Variants in NBAS observed in about 807,000 individuals in gnomAD.
NBAS encodes NAG/BC035112 fusion.
NBAS carries 219 observed loss-of-function variants against 302.5 expected under a neutral mutation model. The observed-to-expected ratio is 0.72, with a 90% confidence interval of 0.65 to 0.81. The LOEUF (loss-of-function observed/expected upper bound fraction) is 0.81. Among genes scored for constraint, NBAS ranks in the 30% least tolerant of loss-of-function variants. NBAS has a pLI of 0.00. For synonymous variants in NBAS, 1,118 were observed against 1,021.6 expected, an observed-to-expected ratio of 1.09 and a Z score of -1.80; for missense variants, 2,932 against 2,841.6, an observed-to-expected ratio of 1.03 and a Z score of -0.72.
the NBAS span, among the ~76,000 whole-genome samples, chr2:15,131,328 T>G: frequency 6.6e-6 from 1 of 152,214 alleles, no homozygotes; most frequent in Non-Finnish European, 1.5e-5. Context: ...TATTGCTTTT[T>G]TCCTTCTGCG....
At chr2:15,013,051 G>A in the NBAS span, among the ~76,000 whole-genome samples, 1 of 152,176 alleles carries the variant, frequency 6.6e-6, no homozygotes, top group Non-Finnish European at 1.5e-5. Context: ...CAGAGATGGG[G>A]TTTCACCATG....
intron 48 of NBAS, 30 bp from the exon 49 acceptor site, chr2:15,190,433 G>A (rs1297125675): frequency 6.2e-7 from 1 of 1,613,116 alleles, no homozygotes; most frequent in Admixed American, 1.7e-5. Context: ...CTTAAAGCTG[G>A]TGGCAAAGGC....
chr2:15,442,676 G>A (rs1036035383), intron 21 of NBAS, among the ~76,000 whole-genome samples: 5 of 151,692 alleles, frequency 3.3e-5, no homozygotes, highest in Admixed American at 1.3e-4. Context: ...AGGAAATAGA[G>A]ACACAAAAAA....
chr2:15,254,076 A>G (rs73194979), intron 44 of NBAS, among the ~76,000 whole-genome samples: 2,843 of 152,260 alleles, frequency 0.019, 95 homozygotes, highest in African/African-American at 0.065. Context: ...GTCACAAGAT[A>G]TGCAACTTCT....
At chr2:15,518,098 C>A (rs1302002121) in intron 9 of NBAS, among the ~76,000 whole-genome samples, 1 of 140,810 alleles carries the variant, frequency 7.1e-6, no homozygotes, top group East Asian at 2.1e-4. Context: ...AAATTATGCA[C>A]ATAAATTTCT....
At chr2:15,550,656 G>T (rs868667104) in intron 6 of NBAS, among the ~76,000 whole-genome samples, 2 of 148,600 alleles carry the variant, frequency 1.3e-5, no homozygotes, top group Non-Finnish European at 3.0e-5. Flanking sequence ...GCTCAATCTC[G>T]GCTCACTGTA....
chr2:15,118,640 A>G, the NBAS span, among the ~76,000 whole-genome samples: 1 of 152,196 alleles, frequency 6.6e-6, no homozygotes, highest in South Asian at 2.1e-4. Flanking sequence ...TAGAAAGGCT[A>G]TAAGGACAGC....
In NBAS at chr2:15,308,348, T is replaced by C. The variant is rs778302891; in HGVS notation, c.4665A>G (p.Leu1555=). Residue 1555 remains leucine (L), a synonymous_variant, in exon 40 of 52, where the codon TTA becomes TTG. Coordinates refer to ENST00000281513, the MANE Select transcript of NBAS (RefSeq NM_015909.4). ...LAYLLALPQV[L]DANRCFEKQS... ...GCTTTTCAAAGCACCGGTTAGCATC[T>C]AACACCTAGGAGGGAACATGTTAGA... 1.1e-5 allele frequency: 17 copies of C among 1,613,886 alleles called. No homozygotes were observed. In the Admixed American group the frequency reaches 2.8e-4, roughly 27 times the overall value.
chr2:15,330,645 C>T lies in NBAS; in HGVS notation c.4300G>A (p.Asp1434Asn), dbSNP rs750091340. The T allele has an allele frequency of 1.9e-6, 3 of 1,614,058 alleles. No homozygotes were observed. The highest frequency in any genetic ancestry group is 1.7e-4 in the Middle Eastern group (1 of 6,058). Reference sequence around the variant, plus strand: ...AAAGACTTCTTCCACCACTGCCCATCACTGACGGCCTGCAGCACCGCTTTG... The same window carrying T: ...AAAGACTTCTTCCACCACTGCCCATTACTGACGGCCTGCAGCACCGCTTTG... ...TTKAVLQAVSDGQWWKKSLTY... is the reference protein window; with the variant it reads ...TTKAVLQAVSNGQWWKKSLTY... Residue 1434 changes from aspartate (D) to asparagine (N), a missense_variant, in exon 36 of 52, where the codon GAT (aspartate) becomes AAT (asparagine). By Grantham distance (23) the Asp-to-Asn change is conservative. Transcript: ENST00000281513.
chr2:15,447,734 G>A (rs1338621689), intron 21 of NBAS, among the ~76,000 whole-genome samples: 1 of 152,110 alleles, frequency 6.6e-6, no homozygotes, highest in African/African-American at 2.4e-5. Context: ...CAGGAAAGGG[G>A]CACTGTCTCA....
chr2:15,530,885 G>T (rs1225052144), intron 9 of NBAS, among the ~76,000 whole-genome samples: 1 of 149,048 alleles, frequency 6.7e-6, no homozygotes, highest in Non-Finnish European at 1.5e-5. Context: ...AGAACGCCAG[G>T]GGAAAAAAAA....
chr2:15,235,699 G>C (rs1033545218), intron 45 of NBAS, among the ~76,000 whole-genome samples: 18 of 152,202 alleles, frequency 1.2e-4, no homozygotes, highest in Admixed American at 7.9e-4. Flanking sequence ...AAAGATGACT[G>C]AGATTTGCTT....
chr2:14,988,602 C>T, the NBAS span, among the ~76,000 whole-genome samples: 1 of 152,044 alleles, frequency 6.6e-6, no homozygotes, highest in Non-Finnish European at 1.5e-5. Context: ...ATTAAGATAC[C>T]AGTTAGGTAA....
At chr2:15,072,656 C>A in the NBAS span, among the ~76,000 whole-genome samples, 1 of 152,044 alleles carries the variant, frequency 6.6e-6, no homozygotes. Context: ...AGTCTCAATA[C>A]AACGTGTTAA....
intron 25 of NBAS, 138 bp from the exon 26 acceptor site, chr2:15,402,439 G>C (rs2148430086): frequency 3.7e-6 from 3 of 818,412 alleles, no homozygotes; most frequent in Admixed American, 2.4e-5. Flanking sequence ...TTTCTTTATA[G>C]ATTTCTGGGG....
chr2:14,870,056 T>C, the NBAS span, among the ~76,000 whole-genome samples: 1 of 152,238 alleles, frequency 6.6e-6, no homozygotes, highest in Admixed American at 6.5e-5. Flanking sequence ...ATGATGGTTT[T>C]CAAACATTGG....
rs756378484 is a variant in NBAS, at chr2:15,427,816, G to A, written c.2340-22C>T. ...AAAACTCAAATTTAAAAAAAAATAA[G>A]TGTTTAAAATTCACATTACCTCAAT... On this transcript the variant is annotated intron_variant, in intron 21 of 51. Coordinates refer to ENST00000281513, the MANE Select transcript of NBAS (RefSeq NM_015909.4). The A allele has an allele frequency of 1.9e-6, 3 of 1,574,960 alleles. No homozygotes were observed. In the South Asian group the frequency reaches 3.4e-5, roughly 18 times the overall value.
chr2:15,475,966 A>C, intron 13 of NBAS, 86 bp from the exon 14 acceptor site: 1 of 1,085,744 alleles, frequency 9.2e-7, no homozygotes, highest in Non-Finnish European at 1.3e-6. Flanking sequence ...CAATTTTAAA[A>C]CAAAATTTAT....
the NBAS span, among the ~76,000 whole-genome samples, chr2:15,094,125 A>C: frequency 6.6e-6 from 1 of 152,206 alleles, no homozygotes; most frequent in African/African-American, 2.4e-5. Flanking sequence ...CTCTCCTTTG[A>C]AACATGCAAA....
Sources: gnomAD v4.1 joint callset for allele counts (sites outside exome capture counted in the v4.1 genomes callset) on GRCh38, gnomAD v4.1.1 for gene constraint, MANE v1.5 for transcripts, NCBI Gene and HGNC (gene_info 2026-07-23, HGNC 2026-07-21) for gene names.